Variants in ZNF704 observed in about 807,000 individuals in gnomAD.
ZNF704 encodes the protein zinc finger protein 704, also known as glucocorticoid induced gene 1.
In ZNF704, 10 loss-of-function variants were observed where a neutral mutation model predicts 44.7. The ratio of observed to expected loss-of-function variants is 0.22; its 90% CI spans 0.14 to 0.38. The LOEUF is 0.38. Among genes scored for constraint, ZNF704 ranks in the 10% least tolerant of loss-of-function variants. The pLI is 1.00. For synonymous variants in ZNF704, 211 were observed against 207.6 expected (o/e 1.02, Z -0.14); for missense variants, 390 against 545.5 (o/e 0.71, Z 2.84).
At chr8:80,773,701 A>G (rs1807363029) in intron 2 of ZNF704, among the ~76,000 whole-genome samples, 1 of 152,174 alleles carries the variant, frequency 6.6e-6, no homozygotes, top group Admixed American at 6.5e-5. Flanking sequence ...CTGGGTATGA[A>G]TGCTGGATTG....
At chr8:80,829,671 A>G (rs1808435995) in intron 1 of ZNF704, among the ~76,000 whole-genome samples, 1 of 152,256 alleles carries the variant, frequency 6.6e-6, no homozygotes, top group East Asian at 1.9e-4. Flanking sequence ...AAATACTGTT[A>G]TAACTGTATG....
At chr8:80,851,094 G>C (rs1030965465) in intron 1 of ZNF704, among the ~76,000 whole-genome samples, 1 of 152,178 alleles carries the variant, frequency 6.6e-6, no homozygotes, top group Non-Finnish European at 1.5e-5. Context: ...CTACAAACTT[G>C]TACGCACGTT....
intron 2 of ZNF704, among the ~76,000 whole-genome samples, chr8:80,761,676 C>T (rs1807133858): frequency 6.6e-6 from 1 of 152,148 alleles, no homozygotes; most frequent in Non-Finnish European, 1.5e-5. Context: ...GGCCACTTTA[C>T]ACAATAAAAT....
At chr8:80,818,261 A>G (rs1017814736) in intron 2 of ZNF704, among the ~76,000 whole-genome samples, 1 of 152,184 alleles carries the variant, frequency 6.6e-6, no homozygotes, top group African/African-American at 2.4e-5. Context: ...CTGATTTTAA[A>G]TGATTGAAGA....
At chr8:80,676,373 C>T (rs73691970) in intron 4 of ZNF704, among the ~76,000 whole-genome samples, 16,237 of 152,062 alleles carry the variant, frequency 0.11, 2,915 homozygotes, top group African/African-American at 0.37. Flanking sequence ...GGGTTAGCTA[C>T]AGGATGAGGT....
chr8:80,849,669 C>T (rs1808825355), intron 1 of ZNF704, among the ~76,000 whole-genome samples: 1 of 152,130 alleles, frequency 6.6e-6, no homozygotes, highest in African/African-American at 2.4e-5. Flanking sequence ...ACTCAATTTG[C>T]AAGAGAGTGA....
chr8:80,701,598 C>T (rs1818811240), intron 2 of ZNF704, among the ~76,000 whole-genome samples: 1 of 152,198 alleles, frequency 6.6e-6, no homozygotes, highest in African/African-American at 2.4e-5. Context: ...GTTTTCTCCC[C>T]ACTTACATGC....
At chr8:80,666,043 C>T (rs1266964808) in intron 5 of ZNF704, among the ~76,000 whole-genome samples, 5 of 151,328 alleles carry the variant, frequency 3.3e-5, no homozygotes, top group East Asian at 3.9e-4. Context: ...ATACATGTGC[C>T]GTGCTGGTGC....
At chr8:80,864,310 A>G (rs1809117326) in intron 1 of ZNF704, among the ~76,000 whole-genome samples, 1 of 152,182 alleles carries the variant, frequency 6.6e-6, no homozygotes, top group Non-Finnish European at 1.5e-5. Flanking sequence ...TTTCCCACCA[A>G]GAAAATAAAT....
intron 2 of ZNF704, among the ~76,000 whole-genome samples, chr8:80,711,259 C>T (rs1280790558): frequency 5.9e-5 from 9 of 152,170 alleles, no homozygotes; most frequent in Non-Finnish European, 1.3e-4. Context: ...AAAATGGACA[C>T]TGACAACAGT....
chr8:80,868,730 A>G (rs1809199043), intron 1 of ZNF704, among the ~76,000 whole-genome samples: 1 of 152,156 alleles, frequency 6.6e-6, no homozygotes, highest in Non-Finnish European at 1.5e-5. Context: ...CGTGGATTTC[A>G]TTCCCATTCT....
At chr8:80,740,481 C>T (rs1347200858) in intron 2 of ZNF704, among the ~76,000 whole-genome samples, 1 of 152,098 alleles carries the variant, frequency 6.6e-6, no homozygotes, top group East Asian at 1.9e-4. Flanking sequence ...ACCTAAAAGC[C>T]CAAGGCCTAG....
chr8:80,841,893 T>C (rs1306845695), intron 1 of ZNF704, among the ~76,000 whole-genome samples: 1 of 152,136 alleles, frequency 6.6e-6, no homozygotes, highest in Non-Finnish European at 1.5e-5. Context: ...GGGCTCAAGA[T>C]CGTCCTGCCT....
chr8:80,792,642 T>A (rs1027492750), intron 2 of ZNF704, among the ~76,000 whole-genome samples: 3 of 152,220 alleles, frequency 2.0e-5, no homozygotes, highest in Non-Finnish European at 4.4e-5. Context: ...GAGATCCTTT[T>A]AACACATCAG....
intron 7 of ZNF704, chr8:80,644,814 G>C: frequency 1.5e-6 from 1 of 647,484 alleles, no homozygotes; most frequent in Non-Finnish European, 2.8e-6. Context: ...ACAGTGTATT[G>C]AACATCTTTT....
intron 2 of ZNF704, among the ~76,000 whole-genome samples, chr8:80,757,306 T>G (rs1807052545): frequency 6.6e-6 from 1 of 152,100 alleles, no homozygotes; most frequent in Non-Finnish European, 1.5e-5. Flanking sequence ...TGTATTTATG[T>G]CTTAGTTTTC....
chr8:80,824,471 G>A (rs560375582), intron 1 of ZNF704, among the ~76,000 whole-genome samples: 22 of 152,290 alleles, frequency 1.4e-4, no homozygotes, highest in African/African-American at 2.2e-4. Context: ...CGAAAATGAC[G>A]GGGAGAATGG....
chr8:80,861,640 T>C (rs1300520251), intron 1 of ZNF704, among the ~76,000 whole-genome samples: 2 of 151,980 alleles, frequency 1.3e-5, no homozygotes, highest in South Asian at 4.1e-4. Context: ...AGCACTGCAT[T>C]TGAAGTGCTC....
chr8:80,853,000 C>T (rs1457831951), intron 1 of ZNF704, among the ~76,000 whole-genome samples: 2 of 152,092 alleles, frequency 1.3e-5, no homozygotes, highest in Non-Finnish European at 2.9e-5. Context: ...AGGTAGGTCA[C>T]CAATAATAGT....
Sources: gnomAD v4.1 joint callset for allele counts (sites outside exome capture counted in the v4.1 genomes callset) on GRCh38, gnomAD v4.1.1 for gene constraint, MANE v1.5 for transcripts, NCBI Gene and HGNC (gene_info 2026-07-23, HGNC 2026-07-21) for gene names.